The following PTK2 variants were observed in gnomAD, a reference collection of about 807,000 sequenced individuals.
PTK2 encodes protein tyrosine kinase 2.
PTK2 carries 45 observed loss-of-function variants against 150.1 expected under a neutral mutation model. That is an observed-to-expected ratio of 0.30 (90% confidence interval 0.24 to 0.38). The LOEUF is 0.38. Ranked by LOEUF, PTK2 falls within the 10% of genes least tolerant of loss-of-function variation. The pLI is 1.00. For synonymous variants in PTK2, 432 were observed against 449.2 expected (o/e 0.96, Z 0.48); for missense variants, 919 against 1,307.3 (o/e 0.70, Z 4.58).
chr8:140,942,488 T>C (rs1447770392), intron 1 of PTK2, among the ~76,000 whole-genome samples: 1 of 152,134 alleles, frequency 6.6e-6, no homozygotes, highest in African/African-American at 2.4e-5. Context: ...ATTACATAAA[T>C]GAATCAAGGA....
intron 8 of PTK2, among the ~76,000 whole-genome samples, chr8:140,825,867 T>A (rs567153216): frequency 1.0e-4 from 16 of 152,390 alleles, no homozygotes; most frequent in Admixed American, 1.0e-3. Context: ...TTGACAGTTT[T>A]ACTGGTACAG....
intron 1 of PTK2, chr8:140,934,406 T>C (rs1468204382): frequency 6.6e-6 from 1 of 152,048 alleles, no homozygotes; most frequent in African/African-American, 2.4e-5. Flanking sequence ...CTGAGCAACA[T>C]AAGGAGACTT....
chr8:140,978,660 G>C (rs1309389825), intron 1 of PTK2, among the ~76,000 whole-genome samples: 1 of 147,892 alleles, frequency 6.8e-6, no homozygotes, highest in Non-Finnish European at 1.5e-5. Context: ...TACACTGTTG[G>C]TGGGACTGTA....
At chr8:140,707,516 G>C (rs779348264) in intron 23 of PTK2, among the ~76,000 whole-genome samples, 1 of 151,090 alleles carries the variant, frequency 6.6e-6, no homozygotes, top group Admixed American at 6.6e-5. Context: ...AGTGATTCTC[G>C]TGCCTCAGCC....
chr8:140,852,859 C>T (rs918570891), intron 5 of PTK2, among the ~76,000 whole-genome samples: 17 of 152,294 alleles, frequency 1.1e-4, no homozygotes, highest in South Asian at 2.1e-4. Context: ...TTCATTCCCA[C>T]GAAAGGCATA....
intron 1 of PTK2, among the ~76,000 whole-genome samples, chr8:140,944,610 G>C (rs952951560): frequency 6.6e-6 from 1 of 152,182 alleles, no homozygotes; most frequent in Non-Finnish European, 1.5e-5. Context: ...CAGCGATTAC[G>C]ATTTATGACT....
At position 140,733,191 on chromosome 8, in the gene PTK2, C is replaced by T. The variant is rs543689977; in HGVS notation, c.2030+2060G>A. Among the ~76,000 whole-genome samples the T allele has an allele frequency of 1.3e-4, 19 of 151,974 alleles. 1 individual carries two copies. In the South Asian group the frequency reaches 3.7e-3, roughly 30 times the overall value. ...GTGAAGCATGACTCCAAGATGGTGC[C>T]GAAGATAAAGGCACTATTCCAACCT... On this transcript the variant is annotated intron_variant, in intron 22 of 31. Coordinates refer to ENST00000522684, the Ensembl canonical transcript of PTK2.
intron 16 of PTK2, among the ~76,000 whole-genome samples, chr8:140,755,512 C>T (rs1565721667): frequency 6.6e-6 from 1 of 152,230 alleles, no homozygotes; most frequent in Admixed American, 6.5e-5. Context: ...CTAGAACAGG[C>T]TTCCCCATGA....
intron 2 of PTK2, among the ~76,000 whole-genome samples, chr8:140,906,604 TA>T (rs925848425): frequency 6.6e-6 from 1 of 151,938 alleles, no homozygotes; most frequent in Non-Finnish European, 1.5e-5. Flanking sequence ...AGTTAGGAGC[TA>T]AAAAAAGTGA....
intron 5 of PTK2, among the ~76,000 whole-genome samples, chr8:140,854,071 T>C (rs1272939995): frequency 3.9e-5 from 6 of 152,242 alleles, no homozygotes; most frequent in African/African-American, 9.6e-5. Flanking sequence ...CATGTTCCTA[T>C]AGTTAAGTTT....
intron 5 of PTK2, among the ~76,000 whole-genome samples, chr8:140,850,703 C>T (rs1302819706): frequency 6.6e-6 from 1 of 152,040 alleles, no homozygotes; most frequent in African/African-American, 2.4e-5. Context: ...GCACTCCAGC[C>T]TGGGCGACAG....
intron 1 of PTK2, among the ~76,000 whole-genome samples, chr8:140,986,789 G>A (rs778762654): frequency 6.6e-6 from 1 of 152,338 alleles, no homozygotes; most frequent in African/African-American, 2.4e-5. Flanking sequence ...GCAAAAGTAA[G>A]TGTTCTCTGG....
At chr8:140,839,774 G>T (rs1386336045) in intron 7 of PTK2, among the ~76,000 whole-genome samples, 1 of 152,142 alleles carries the variant, frequency 6.6e-6, no homozygotes, top group Admixed American at 6.5e-5. Context: ...GATTATTAAA[G>T]AGATAGTGGC....
intron 26 of PTK2, among the ~76,000 whole-genome samples, chr8:140,700,218 T>C (rs1027402447): frequency 1.2e-4 from 19 of 152,326 alleles, no homozygotes; most frequent in African/African-American, 4.6e-4. Flanking sequence ...TATAGGATTC[T>C]GGATCTATTA....
chr8:140,834,581 CCTCA>C (rs1432161034), intron 7 of PTK2, among the ~76,000 whole-genome samples: 1 of 152,116 alleles, frequency 6.6e-6, no homozygotes, highest in Non-Finnish European at 1.5e-5. Context: ...TCATTTACTC[CCTCA>C]CTGAGACCAT....
intron 26 of PTK2, among the ~76,000 whole-genome samples, chr8:140,694,983 T>G (rs995261084): frequency 1.1e-4 from 17 of 152,092 alleles, no homozygotes; most frequent in African/African-American, 4.1e-4. Flanking sequence ...CACCAAGCTT[T>G]CCATGCGGCT....
intron 7 of PTK2, 36 bp downstream of exon 7, chr8:140,846,224 A>G (rs1170121131): frequency 1.3e-6 from 2 of 1,489,534 alleles, no homozygotes; most frequent in Non-Finnish European, 1.8e-6. Context: ...TTAGTTCTGC[A>G]TATTTGCAGG....
intron 23 of PTK2, among the ~76,000 whole-genome samples, chr8:140,708,803 T>A (rs2100035224): frequency 6.6e-6 from 1 of 152,162 alleles, no homozygotes; most frequent in African/African-American, 2.4e-5. Flanking sequence ...TGGTACTTGT[T>A]TTAAAGATAT....
intron 10 of PTK2, among the ~76,000 whole-genome samples, chr8:140,813,886 A>C (rs1183908213): frequency 6.6e-6 from 1 of 152,134 alleles, no homozygotes; most frequent in East Asian, 1.9e-4. Context: ...TTTTTTTAAA[A>C]AAAAATTAAT....
Sources: gnomAD v4.1 joint callset for allele counts (sites outside exome capture counted in the v4.1 genomes callset) on GRCh38, gnomAD v4.1.1 for gene constraint, MANE v1.5 for transcripts, NCBI Gene and HGNC (gene_info 2026-07-23, HGNC 2026-07-21) for gene names.